Variants in CTPS2 observed in about 807,000 individuals in gnomAD.
The protein encoded by CTPS2 is CTP synthase 2, also known as CTP synthase II.
A neutral mutation model predicts 46.8 loss-of-function variants in CTPS2; 19 were observed. The observed-to-expected ratio is 0.41, with a 90% CI of 0.28 to 0.60. CTPS2 has a LOEUF of 0.60. CTPS2 is among the 20% of genes least tolerant of loss of function. CTPS2 has a pLI of 0.35. For synonymous variants in CTPS2, 151 were observed against 165.2 expected (o/e 0.91, Z 0.66); for missense variants, 286 against 447.6 (o/e 0.64, Z 3.26).
chrX:16,709,923 A>G (rs954972615), intron 1 of CTPS2, among the ~76,000 whole-genome samples: 18 of 107,744 alleles, frequency 1.7e-4, no homozygotes, highest in Admixed American at 1.0e-4. Flanking sequence ...ATGTCTTAAT[A>G]TATTTAGGTG....
chrX:16,666,335 GA>G (rs1272976802), intron 13 of CTPS2, among the ~76,000 whole-genome samples: 1 of 111,770 alleles, frequency 8.9e-6, no homozygotes, highest in East Asian at 2.8e-4. Flanking sequence ...AGATGAATAG[GA>G]AGTTGTTGGT....
chrX:16,674,604 C>G lies in CTPS2; in HGVS notation c.1094+3758G>C, dbSNP rs1312156167. Among the ~76,000 whole-genome samples, 9 of 105,782 alleles carry G rather than the reference C, an allele frequency of 8.5e-5. 1 individual carries two copies. Among genetic ancestry groups the G allele is most frequent in the Non-Finnish European group, 5.9e-5 (3 of 51,078 alleles). The allele number at this position is 105,782 out of a possible 115,157, so 91.9% of individuals were successfully genotyped here. ...CTGTAATCCCAGCACTTTGGGAGGC[C>G]AAGGTGGGCAGATCACGAGGTCAGG... On this transcript the variant is annotated intron_variant, in intron 10 of 18. Transcript: ENST00000359276.
At chrX:16,704,462 T>C (rs778177158) in intron 1 of CTPS2, among the ~76,000 whole-genome samples, 3 of 111,206 alleles carry the variant, frequency 2.7e-5, no homozygotes, top group Admixed American at 1.9e-4. Context: ...AAAGCAAAAC[T>C]AGAGAGATAG....
At chrX:16,709,583 G>A (rs995420505) in intron 1 of CTPS2, among the ~76,000 whole-genome samples, 11 of 110,753 alleles carry the variant, frequency 9.9e-5, no homozygotes, top group Non-Finnish European at 1.9e-4. Flanking sequence ...GGGTGCAATG[G>A]CTCACGCCTG....
chrX:16,657,974 G>A (rs764347487), intron 13 of CTPS2, among the ~76,000 whole-genome samples: 18 of 111,854 alleles, frequency 1.6e-4, no homozygotes, highest in South Asian at 3.8e-4. Context: ...GGGAGGCTGA[G>A]GCAGGTGGAT....
At chrX:16,633,082 TTG>T (rs1339758984) in intron 14 of CTPS2, among the ~76,000 whole-genome samples, 9 of 61,857 alleles carry the variant, frequency 1.5e-4, no homozygotes, top group South Asian at 9.7e-4. Context: ...TTCTTTTCTT[TTG>T]TTTTTTTTTT....
chrX:16,687,222 C>T (rs1923273079), intron 8 of CTPS2, among the ~76,000 whole-genome samples: 1 of 110,583 alleles, frequency 9.0e-6, no homozygotes, highest in Admixed American at 9.8e-5. Flanking sequence ...ACAGAAGCGC[C>T]AGGCATATGG....
At chrX:16,667,751 C>G (rs1333975217) in intron 11 of CTPS2, 27 bp from the exon 12 acceptor site, 1 of 1,151,044 alleles carries the variant, frequency 8.7e-7, no homozygotes, top group Non-Finnish European at 1.2e-6. Context: ...ATATGCAAAG[C>G]AAATGAACTC....
At position 16,607,537 on chromosome X, in the gene CTPS2, T is replaced by C. The variant is rs781727590; in HGVS notation, c.1691+2004A>G. Among the ~76,000 whole-genome samples, 5 of 112,866 alleles carry C rather than the reference T, an allele frequency of 4.4e-5. No homozygotes were observed. The South Asian group carries it at 1.8e-3, about 41-fold the overall frequency. On this transcript the variant is annotated intron_variant, in intron 17 of 18. Transcript: ENST00000359276. The stretch of plus-strand genomic sequence containing the variant: ...GTCAGTGCACTGAAAGGGGTGAACA[T>C]CAATACAGTAAGATGCCCAAAGTGC...
chrX:16,624,080 C>G (rs1201526048), intron 14 of CTPS2, among the ~76,000 whole-genome samples: 1 of 109,923 alleles, frequency 9.1e-6, no homozygotes, highest in East Asian at 2.9e-4. Flanking sequence ...CGTGAGCCAC[C>G]GCGCCTGGCC....
intron 13 of CTPS2, among the ~76,000 whole-genome samples, chrX:16,643,904 C>T (rs1443283999): frequency 9.0e-6 from 1 of 111,488 alleles, no homozygotes; most frequent in African/African-American, 3.3e-5. Context: ...CCTTCTCCCT[C>T]CCATTCCTCA....
chrX:16,606,901 G>GCCA (rs1474952847), intron 17 of CTPS2, among the ~76,000 whole-genome samples: 1 of 112,054 alleles, frequency 8.9e-6, no homozygotes, highest in Non-Finnish European at 1.9e-5. Flanking sequence ...AGCAGCGTGT[G>GCCA]CCACCACGTC....
Position 16,653,997 on chromosome X carries a change from A to C in CTPS2, c.1296+13517T>G, listed in dbSNP as rs770488045. 2.1e-4 allele frequency among the ~76,000 whole-genome samples: 24 copies of C among 111,726 alleles called. No homozygotes were observed. In the East Asian group the frequency reaches 6.8e-3, roughly 32 times the overall value. On this transcript the variant is annotated intron_variant, in intron 13 of 18. Transcript: ENST00000359276. ...AATATGTCAGCCCTAGCCCTGGAGC[A>C]GGAGACAAACCCAGCTTCCAGGAAA...
intron 17 of CTPS2, among the ~76,000 whole-genome samples, chrX:16,597,255 T>C (rs1295431051): frequency 8.9e-6 from 1 of 112,014 alleles, no homozygotes; most frequent in African/African-American, 3.3e-5. Context: ...GTTTTACACA[T>C]GAAGTCCTTG....
At chrX:16,698,894 G>A (rs781674269) in intron 3 of CTPS2, 29 bp downstream of exon 3, 14 of 1,163,561 alleles carry the variant, frequency 1.2e-5, no homozygotes, top group South Asian at 2.0e-5. Context: ...CAGCACACAG[G>A]GCTCCATAAT....
intron 13 of CTPS2, among the ~76,000 whole-genome samples, chrX:16,644,139 CT>C (rs1204273446): frequency 1.7e-3 from 177 of 102,518 alleles, no homozygotes; most frequent in Non-Finnish European, 1.9e-3. Context: ...AGTTGAGGAT[CT>C]TTTTTTTTTT....
intron 1 of CTPS2, among the ~76,000 whole-genome samples, chrX:16,709,281 A>G (rs1335395494): frequency 9.1e-6 from 1 of 110,007 alleles, no homozygotes; most frequent in Non-Finnish European, 1.9e-5. Flanking sequence ...ACAAAAAATC[A>G]GCCAGGTGTG....
chrX:16,655,153 C>A (rs931774733), intron 13 of CTPS2, among the ~76,000 whole-genome samples: 1 of 111,824 alleles, frequency 8.9e-6, no homozygotes, highest in Non-Finnish European at 1.9e-5. Flanking sequence ...CACAAACAGA[C>A]AGTTGACGTC....
chrX:16,664,053 G>C (rs1184833748), intron 13 of CTPS2, among the ~76,000 whole-genome samples: 2 of 111,519 alleles, frequency 1.8e-5, no homozygotes, highest in Admixed American at 9.6e-5. Context: ...AGCCAGGATG[G>C]TCTTGATCTC....
Sources: allele counts gnomAD v4.1 joint callset (sites outside exome capture counted in the v4.1 genomes callset), GRCh38; gene constraint gnomAD v4.1.1; transcripts MANE v1.5; gene names NCBI Gene and HGNC (gene_info 2026-07-23, HGNC 2026-07-21).